CAMK2G: variants seen among roughly 807,000 people sequenced by gnomAD.
The protein encoded by CAMK2G is calcium/calmodulin-dependent protein kinase type II subunit gamma.
Under a neutral mutation model 88.7 loss-of-function variants are expected in CAMK2G, and 23 were observed. The observed-to-expected ratio is 0.26, with a 90% CI of 0.19 to 0.37. The LOEUF (loss-of-function observed/expected upper bound fraction) is 0.37, where lower values mean the gene tolerates loss of function less well. Among genes scored for constraint, CAMK2G ranks in the 10% least tolerant of loss-of-function variants. The probability of loss-of-function intolerance (pLI) is 1.00; values close to 1 mark genes in which losing one functional copy is unlikely to be tolerated. For missense variants in CAMK2G, 476 were observed against 780.8 expected (o/e 0.61, Z 4.65); for synonymous variants, 263 against 294.8 (o/e 0.89, Z 1.11).
intron 18 of CAMK2G, among the ~76,000 whole-genome samples, chr10:73,820,492 ATTTTTTTTTT>A (rs1166533591): frequency 5.9e-5 from 3 of 51,060 alleles, no homozygotes; most frequent in East Asian, 5.4e-4. Context: ...ATATATATAT[ATTTTTTTTTT>A]TTTTTTTTTC....
Position 73,842,414 on chromosome 10 carries a change from A to G in CAMK2G, c.903+44T>C. On this transcript the variant is annotated intron_variant, in intron 11 of 22. Transcript: ENST00000423381. The surrounding 1 kb of genome is among the most constrained non-coding windows in gnomAD (Gnocchi z 4.6). The stretch of plus-strand genomic sequence containing the variant: ...ATGGGGCAGGAGCCACACTGGTGCA[A>G]GGCATGATGTCAAGGAGGCTGGCAG... The G allele has an allele frequency of 7.0e-7, 1 of 1,419,056 alleles. No individual in the cohort carries two copies. Among genetic ancestry groups the G allele is most frequent in the Non-Finnish European group, 1.0e-6 (1 of 1,001,892 alleles). The allele number at this position is 1,419,056 out of a possible 1,614,324, so 87.9% of individuals were successfully genotyped here.
chr10:73,849,647 C>T (rs2094486760), intron 5 of CAMK2G, among the ~76,000 whole-genome samples: 1 of 152,204 alleles, frequency 6.6e-6, no homozygotes, highest in Non-Finnish European at 1.5e-5. Flanking sequence ...AGCCCAGAAT[C>T]CTGAGGAAGA....
intron 12 of CAMK2G, chr10:73,841,833 C>A (rs1250654525): frequency 2.7e-5 from 7 of 257,948 alleles, no homozygotes; most frequent in Non-Finnish European, 5.2e-5. Flanking sequence ...CTTCCCCCAG[C>A]ACATCCTCCA....
At chr10:73,844,040 T>C (rs1353920958) in intron 10 of CAMK2G, among the ~76,000 whole-genome samples, 3 of 152,124 alleles carry the variant, frequency 2.0e-5, no homozygotes, top group Admixed American at 2.0e-4. Flanking sequence ...AACTCTTTCC[T>C]CTGGACTAGA....
At chr10:73,837,382 G>C in intron 14 of CAMK2G, 86 bp downstream of exon 14, 1 of 1,041,114 alleles carries the variant, frequency 9.6e-7, no homozygotes, top group Non-Finnish European at 1.5e-6. Flanking sequence ...AAGATTCCCT[G>C]GGAAAGGGGG....
intron 10 of CAMK2G, among the ~76,000 whole-genome samples, chr10:73,845,576 CAAA>C (rs987303671): frequency 6.0e-5 from 6 of 100,262 alleles, no homozygotes; most frequent in African/African-American, 7.6e-5. Flanking sequence ...GACTCCATCT[CAAA>C]AAAAAAAAAA....
At chr10:73,818,655 G>A (rs907205781) in intron 19 of CAMK2G, 1 of 454,094 alleles carries the variant, frequency 2.2e-6, no homozygotes, top group Admixed American at 2.3e-5. Context: ...CGTCAGCCCC[G>A]CTAGGCCACA....
chr10:73,826,069 G>A lies in CAMK2G; in HGVS notation c.1087-722C>T, dbSNP rs1640513680. Among the ~76,000 whole-genome samples the A allele has an allele frequency of 3.3e-5, 5 of 152,188 alleles. No homozygotes were observed. In the South Asian group the frequency reaches 1.0e-3, roughly 31 times the overall value. ...CCCAGAATCCAGCCCCCAGGACAGAGTAGGCCACACACAGGCCAACATTCC... is the reference window on the plus strand; with the variant it reads ...CCCAGAATCCAGCCCCCAGGACAGAATAGGCCACACACAGGCCAACATTCC... On this transcript the variant is annotated intron_variant, in intron 15 of 22. Transcript: ENST00000423381.
chr10:73,818,772 C>T (rs1261003292), intron 19 of CAMK2G: 2 of 456,140 alleles, frequency 4.4e-6, no homozygotes, highest in Admixed American at 2.3e-5. Flanking sequence ...TCCAACCCCA[C>T]CAGACCCATC....
At chr10:73,844,319 G>A (rs972711980) in intron 10 of CAMK2G, among the ~76,000 whole-genome samples, 10 of 151,546 alleles carry the variant, frequency 6.6e-5, no homozygotes, top group Admixed American at 5.3e-4. Flanking sequence ...TCAAACTTCC[G>A]GGCTCAAGTG....
intron 21 of CAMK2G, chr10:73,816,030 T>C (rs1589695761): frequency 3.0e-6 from 3 of 985,358 alleles, no homozygotes; most frequent in Non-Finnish European, 3.6e-6. Context: ...GTAGCTGAGA[T>C]GTGATAAGGG....
In CAMK2G at chr10:73,848,666, C is replaced by A; in HGVS notation, c.518-57G>T. 1 of 969,410 alleles carries A rather than the reference C, an allele frequency of 1.0e-6. No individual in the cohort carries two copies. The highest frequency in any genetic ancestry group is 1.6e-6 in the Non-Finnish European group (1 of 624,100). 60.1% of individuals were successfully genotyped at this position (969,410 alleles called of 1,614,324 possible). ...AACCCACTTTCTCTCTCGTTAAATC[C>A]ACACCAGCCATTTCCCCCAAGTCCC... On this transcript the variant is annotated intron_variant, in intron 7 of 22. Transcript: ENST00000423381. The surrounding 1 kb of genome is among the most constrained non-coding windows in gnomAD (Gnocchi z 4.5).
intron 16 of CAMK2G, among the ~76,000 whole-genome samples, chr10:73,824,358 C>T (rs1226420802): frequency 1.3e-5 from 2 of 152,218 alleles, no homozygotes; most frequent in African/African-American, 2.4e-5. Context: ...GCCTCTGTCC[C>T]TGATTCCTGT....
At chr10:73,836,833 C>T (rs2093295613) in intron 14 of CAMK2G, among the ~76,000 whole-genome samples, 1 of 152,212 alleles carries the variant, frequency 6.6e-6, no homozygotes, top group South Asian at 2.1e-4. Context: ...AGCAGCCATT[C>T]CCAGCAGGGC....
chr10:73,840,145 C>A (rs538402821), intron 12 of CAMK2G, among the ~76,000 whole-genome samples: 7 of 152,204 alleles, frequency 4.6e-5, no homozygotes, highest in Non-Finnish European at 7.4e-5. Context: ...CAGCTCCATG[C>A]CCCCCAACCC....
In CAMK2G at chr10:73,874,432, G is replaced by A. The variant is rs746483483; in HGVS notation, c.30C>T (p.Phe10=). The change falls in exon 1 of 23, where the codon TTC becomes TTT. Residue 10 remains phenylalanine (F), a synonymous_variant. Coordinates refer to ENST00000423381, the MANE Select transcript of CAMK2G (RefSeq NM_001367534.1). ...CCTCGAAGAGCTGGTAGTCGTCGGTGAAACGGGTGCAGGTGGCGGTGGTGG... is the reference window on the plus strand; with the variant it reads ...CCTCGAAGAGCTGGTAGTCGTCGGTAAAACGGGTGCAGGTGGCGGTGGTGG... MATTATCTR[F]TDDYQLFEEL... The A allele has an allele frequency of 1.3e-6, 2 of 1,522,192 alleles. No individual in the cohort carries two copies. The highest frequency in any genetic ancestry group is 2.6e-5 in the East Asian group (1 of 38,162). 94.3% of individuals were successfully genotyped at this position (1,522,192 alleles called of 1,614,324 possible). A position where few individuals can be genotyped will look rare whatever the true frequency, so the allele number is the denominator to read the frequency against.
intron 17 of CAMK2G, among the ~76,000 whole-genome samples, chr10:73,822,351 A>G (rs535237308): frequency 1.6e-3 from 238 of 152,246 alleles, no homozygotes; most frequent in African/African-American, 5.6e-3. Context: ...TATTTTTATT[A>G]GAGATGGGGT....
chr10:73,852,401 C>T (rs997641568), intron 4 of CAMK2G, 82 bp from the exon 5 acceptor site: 1 of 1,129,424 alleles, frequency 8.9e-7, no homozygotes, highest in Non-Finnish European at 1.3e-6. Context: ...ACAGGGTCAC[C>T]CTGTAGAATG....
At chr10:73,856,134 G>A (rs1357811963) in intron 3 of CAMK2G, among the ~76,000 whole-genome samples, 4 of 152,044 alleles carry the variant, frequency 2.6e-5, no homozygotes, top group Non-Finnish European at 4.4e-5. Flanking sequence ...TCCGTGTGCC[G>A]GCATCGTTCC....
Sources: gnomAD v4.1 joint callset for allele counts (sites outside exome capture counted in the v4.1 genomes callset) on GRCh38, gnomAD v4.1.1 for gene constraint, Gnocchi (gnomAD v3.1) non-coding constraint, MANE v1.5 for transcripts, NCBI Gene and HGNC (gene_info 2026-07-23, HGNC 2026-07-21) for gene names.